Variants in SPAST observed in about 807,000 individuals in gnomAD.
The protein encoded by SPAST is spastic paraplegia 4 (autosomal dominant; spastin).
In SPAST, 30 loss-of-function variants were observed where a neutral mutation model predicts 76.6. That is an observed-to-expected ratio of 0.39 (90% CI 0.29 to 0.53). The LOEUF is 0.53. Among genes scored for constraint, SPAST ranks in the 20% least tolerant of loss-of-function variants. The pLI is 0.68. For synonymous variants in SPAST, 305 were observed against 281.0 expected (o/e 1.09, Z -0.86); for missense variants, 717 against 770.5 (o/e 0.93, Z 0.82).
At position 32,063,996 on chromosome 2, in the gene SPAST, CCCGCTGTTT is replaced by C; in HGVS notation, c.166_174del (p.Pro56_Phe58del). 6.2e-7 allele frequency: 1 copy of C among 1,613,428 alleles called. No homozygotes were observed. Among genetic ancestry groups the C allele is most frequent in the Middle Eastern group, 1.7e-4 (1 of 6,046 alleles). ...AGCGGAACCTGTACTATTTCTCCTA[CCCGCTGTTT>C]GTAGGCTTCGCGCTGCTGCGTTTGG... is the stretch of plus-strand genomic sequence containing the variant. On this transcript the variant is annotated inframe_deletion, in exon 1 of 17. Transcript: ENST00000315285.
At chr2:32,098,692 G>A (rs1678008362) in intron 3 of SPAST, 104 bp from the exon 4 acceptor site, 1 of 745,572 alleles carries the variant, frequency 1.3e-6, no homozygotes, top group Non-Finnish European at 2.4e-6. Flanking sequence ...TAACAATCTG[G>A]TAACACCTTG....
intron 1 of SPAST, among the ~76,000 whole-genome samples, chr2:32,066,466 G>A (rs1195623584): frequency 2.0e-5 from 3 of 151,812 alleles, no homozygotes; most frequent in Non-Finnish European, 4.4e-5. Flanking sequence ...TCAAGAGTTT[G>A]AGACCATCCT....
chr2:32,086,543 A>G (rs960245774), intron 1 of SPAST, among the ~76,000 whole-genome samples: 12 of 150,626 alleles, frequency 8.0e-5, no homozygotes, highest in Non-Finnish European at 1.3e-4. Flanking sequence ...CGGGTGGATC[A>G]CCTGAGTTCA....
Position 32,063,707 on chromosome 2 carries a change from G to A in SPAST, c.-125G>A, listed in dbSNP as rs1676375424. 1 of 1,323,306 alleles carries A rather than the reference G, an allele frequency of 7.6e-7. No individual in the cohort carries two copies. Among genetic ancestry groups the A allele is most frequent in the South Asian group, 1.4e-5 (1 of 71,252 alleles). 82.0% of individuals were successfully genotyped at this position (1,323,306 alleles called of 1,614,324 possible). ...GGCGGGCAGCGTGCGGCAGTGCGGA[G>A]CTCCTGAGACCGGCGGGCACACGGG... On this transcript the variant is annotated 5_prime_UTR_variant, in exon 1 of 17. Coordinates refer to ENST00000315285, the MANE Select transcript of SPAST (RefSeq NM_014946.4).
intron 1 of SPAST, among the ~76,000 whole-genome samples, chr2:32,064,486 A>C (rs1429569165): frequency 6.6e-6 from 1 of 152,048 alleles, no homozygotes; most frequent in African/African-American, 2.4e-5. Context: ...CTTCCCCCAC[A>C]CTTCTGCATG....
At chr2:32,095,117 A>G (rs1220621282) in intron 3 of SPAST, among the ~76,000 whole-genome samples, 1 of 152,230 alleles carries the variant, frequency 6.6e-6, no homozygotes, top group Non-Finnish European at 1.5e-5. Flanking sequence ...TCTAGGAGAA[A>G]AGTGATAGAG....
At chr2:32,115,892 A>C (rs905475744) in intron 6 of SPAST, 57 bp downstream of exon 6, 3 of 1,370,080 alleles carry the variant, frequency 2.2e-6, no homozygotes, top group Non-Finnish European at 3.0e-6. Context: ...AATTTTACTT[A>C]TAAAACATGT....
chr2:32,124,021 G>A (rs1679109042), intron 7 of SPAST, among the ~76,000 whole-genome samples: 1 of 151,710 alleles, frequency 6.6e-6, no homozygotes, highest in South Asian at 2.1e-4. Context: ...AAATCAGTAT[G>A]TTGAACTTTG....
chr2:32,112,850 C>T (rs971134940), intron 4 of SPAST, among the ~76,000 whole-genome samples: 1 of 151,244 alleles, frequency 6.6e-6, no homozygotes, highest in Non-Finnish European at 1.5e-5. Flanking sequence ...TTTTTTTGGC[C>T]ACTCTAATTT....
Position 32,063,846 on chromosome 2 carries a change from T to G in SPAST, c.15T>G (p.Gly5=), listed in dbSNP as rs754256093. 10 of 1,575,936 alleles carry G rather than the reference T, an allele frequency of 6.3e-6. No homozygotes were observed. Among genetic ancestry groups the G allele is most frequent in the Admixed American group, 5.4e-5 (3 of 55,120 alleles). MNSP[G]GRGKKKGSGG... is the part of the protein sequence containing the mutation. ...GAGAGCTGTGAATGAATTCTCCGGGTGGACGAGGGAAGAAGAAAGGCTCCG... is the reference window on the plus strand; with the variant it reads ...GAGAGCTGTGAATGAATTCTCCGGGGGGACGAGGGAAGAAGAAAGGCTCCG... The change falls in exon 1 of 17, where the codon GGT becomes GGG. Residue 5 remains glycine (G), a synonymous_variant. Coordinates refer to ENST00000315285, the MANE Select transcript of SPAST (RefSeq NM_014946.4).
chr2:32,103,832 C>T (rs1349774971), intron 4 of SPAST, among the ~76,000 whole-genome samples: 1 of 152,116 alleles, frequency 6.6e-6, no homozygotes, highest in Non-Finnish European at 1.5e-5. Context: ...GCCTGAGAGA[C>T]AGTTTGTTGT....
At chr2:32,072,038 TTTTA>T (rs369867799) in intron 1 of SPAST, among the ~76,000 whole-genome samples, 1 of 152,092 alleles carries the variant, frequency 6.6e-6, no homozygotes, top group African/African-American at 2.4e-5. Flanking sequence ...CTTCAATTTG[TTTTA>T]TTTATTTATT....
chr2:32,083,762 A>ATTTTTTTTT (rs1677350861), intron 1 of SPAST, among the ~76,000 whole-genome samples: 1 of 43,018 alleles, frequency 2.3e-5, no homozygotes. Context: ...ATATATATAT[A>ATTTTTTTTT]TATATATATA....
At chr2:32,138,518 T>C (rs1461359852) in intron 12 of SPAST, among the ~76,000 whole-genome samples, 4 of 152,198 alleles carry the variant, frequency 2.6e-5, no homozygotes, top group Non-Finnish European at 1.5e-5. Context: ...TTACCCATTT[T>C]TTAATAGGGT....
At chr2:32,077,748 G>A (rs1677023118) in intron 1 of SPAST, 1 of 152,178 alleles carries the variant, frequency 6.6e-6, no homozygotes, top group Non-Finnish European at 1.5e-5. Flanking sequence ...ACGTACAGTA[G>A]ATAATTTGCA....
chr2:32,156,307 G>C lies in SPAST; in HGVS notation c.*1811G>C, dbSNP rs1680250524. 1 of 152,238 alleles carries C rather than the reference G, an allele frequency of 6.6e-6. No individual in the cohort carries two copies. Among genetic ancestry groups the C allele is most frequent in the Non-Finnish European group, 1.5e-5 (1 of 68,116 alleles). 9.4% of individuals were successfully genotyped at this position (152,238 alleles called of 1,614,324 possible). ...CTGCCTCGGCCTCCCAAAGTGCTGG[G>C]ATTACAGGCATAAGCCACTGCGCCC... is the stretch of plus-strand genomic sequence containing the variant. On this transcript the variant is annotated 3_prime_UTR_variant, in exon 17 of 17. Coordinates refer to ENST00000315285, the MANE Select transcript of SPAST (RefSeq NM_014946.4).
chr2:32,074,395 T>G (rs1184882618), intron 1 of SPAST, among the ~76,000 whole-genome samples: 2 of 152,204 alleles, frequency 1.3e-5, no homozygotes, highest in African/African-American at 4.8e-5. Flanking sequence ...CAGAGTGGCA[T>G]TATTTCATGC....
intron 4 of SPAST, among the ~76,000 whole-genome samples, chr2:32,109,802 A>G (rs982137549): frequency 1.1e-4 from 17 of 148,456 alleles, no homozygotes; most frequent in African/African-American, 3.7e-4. Context: ...ATAGTTACAT[A>G]TGTATACACA....
chr2:32,130,481 A>G (rs216541), intron 9 of SPAST: 152,132 of 152,280 alleles, frequency 1, 75,993 homozygotes, highest in Non-Finnish European at 1. Context: ...CACTTTGGGA[A>G]GCCAAGGCTG....
Sources: allele counts gnomAD v4.1 joint callset (sites outside exome capture counted in the v4.1 genomes callset), GRCh38; gene constraint gnomAD v4.1.1; transcripts MANE v1.5; gene names NCBI Gene and HGNC (gene_info 2026-07-23, HGNC 2026-07-21).